SLC6A9: variants seen among roughly 807,000 people sequenced by gnomAD.
SLC6A9 encodes solute carrier family 6 member 9.
A neutral mutation model predicts 70.9 loss-of-function variants in SLC6A9; 31 were observed. The observed-to-expected ratio is 0.44, with a 90% CI of 0.33 to 0.59. The LOEUF (loss-of-function observed/expected upper bound fraction) is 0.59, where lower values mean the gene tolerates loss of function less well. SLC6A9 is among the 20% of genes least tolerant of loss of function. The pLI, the probability that SLC6A9 is intolerant of heterozygous loss-of-function variation, is 0.04. For synonymous variants in SLC6A9, 310 were observed against 341.3 expected (o/e 0.91, Z 1.01); for missense variants, 631 against 845.2 (o/e 0.75, Z 3.14).
intron 5 of SLC6A9, among the ~76,000 whole-genome samples, chr1:44,004,527 G>A (rs951397898): frequency 5.3e-5 from 8 of 151,744 alleles, no homozygotes; most frequent in African/African-American, 1.7e-4. Flanking sequence ...TGTATTTTTT[G>A]TAGAGATATG....
chr1:44,028,344 G>C (rs1285031563), intron 1 of SLC6A9, among the ~76,000 whole-genome samples: 1 of 152,202 alleles, frequency 6.6e-6, no homozygotes, highest in Non-Finnish European at 1.5e-5. Flanking sequence ...TTAAGCAGAA[G>C]ATCAACTTCA....
intron 12 of SLC6A9, 35 bp from the exon 13 acceptor site, chr1:43,998,060 C>T (rs768563828): frequency 2.2e-5 from 34 of 1,572,202 alleles, no homozygotes; most frequent in Non-Finnish European, 2.6e-5. Context: ...GGCGTGAGGC[C>T]GACCCAGAGC....
At chr1:44,009,004 G>C (rs1359941952) in intron 4 of SLC6A9, among the ~76,000 whole-genome samples, 1 of 144,022 alleles carries the variant, frequency 6.9e-6, no homozygotes, top group Non-Finnish European at 1.5e-5. Flanking sequence ...ACAGGCGTGA[G>C]CCACCGCGCC....
At position 44,026,689 on chromosome 1, in the gene SLC6A9, G is replaced by A. The variant is rs185483217; in HGVS notation, c.-85-2327C>T. Among the ~76,000 whole-genome samples, 303 of 151,764 alleles carry A rather than the reference G, an allele frequency of 2.0e-3. 1 individual carries two copies. Among genetic ancestry groups the A allele is most frequent in the African/African-American group, 7.0e-3 (291 of 41,410 alleles). On this transcript the variant is annotated intron_variant, in intron 1 of 13. Transcript: ENST00000372310. ...AAAAAAAGAGCCACAAAAAAGCCAC[G>A]TCACAGGTTGGAAATTATTAAGCCC...
chr1:44,026,954 C>T (rs2086993272), intron 1 of SLC6A9, among the ~76,000 whole-genome samples: 1 of 152,152 alleles, frequency 6.6e-6, no homozygotes, highest in African/African-American at 2.4e-5. Context: ...TCAGGTAGTT[C>T]GTGGACTGGA....
chr1:44,002,818 G>A lies in SLC6A9; in HGVS notation c.723+35C>T, dbSNP rs1321546874. ...CCAGGTAGGGGGCAGGGTCTTTCTG[G>A]GTGGGCACAGACCCTGCTGGGGAGG... On this transcript the variant is annotated intron_variant, in intron 6 of 13. Transcript: ENST00000372310. This position sits in a 1 kb window ranked among gnomAD's most constrained non-coding sequence, Gnocchi z 5.5. The A allele has an allele frequency of 3.1e-6, 5 of 1,612,720 alleles. No individual in the cohort carries two copies. The highest frequency in any genetic ancestry group is 4.2e-6 in the Non-Finnish European group (5 of 1,179,032).
chr1:44,017,415 G>A, intron 2 of SLC6A9: 1 of 1,144,392 alleles, frequency 8.7e-7, no homozygotes. Flanking sequence ...ACACAGACTG[G>A]GGCAGAGCAG....
rs140091591 is a variant in SLC6A9, at chr1:44,002,922, A to G, written c.654T>C (p.Leu218=). The change falls in exon 6 of 14, where the codon CTT becomes CTC. Residue 218 remains leucine (L), a synonymous_variant. Transcript: ENST00000372310. This position sits in a 1 kb window ranked among gnomAD's most constrained non-coding sequence, Gnocchi z 5.5. ...CCAACCAGGAGACACCGAGGCAGCC[A>G]AGGAGGGGCAGCCGCACCTCCCCAA... is the stretch of plus-strand genomic sequence containing the variant. ...GNFGEVRLPL[L]GCLGVSWLVV... 2.9e-4 allele frequency: 468 copies of G among 1,614,042 alleles called. 1 individual carries two copies. In the African/African-American group the frequency reaches 5.6e-3, roughly 19 times the overall value.
At chr1:44,020,241 T>A (rs560710924) in intron 2 of SLC6A9, among the ~76,000 whole-genome samples, 1 of 152,142 alleles carries the variant, frequency 6.6e-6, no homozygotes, top group Non-Finnish European at 1.5e-5. Context: ...AGAACCTGCA[T>A]CAGCAGAGTG....
intron 3 of SLC6A9, chr1:44,010,456 C>CGGGGGGGGG (rs61601279): frequency 7.8e-4 from 43 of 54,806 alleles, no homozygotes; most frequent in Non-Finnish European, 1.3e-3. Context: ...GCCTTGTGGG[C>CGGGGGGGGG]GGGGGGGGGG....
chr1:44,001,398 C>G lies in SLC6A9; in HGVS notation c.1192G>C (p.Gly398Arg). ...FFFMLILLGL[G>R]TQFCLLETLV... ...CGTCCTGCACCTCGTACCTGAGTGC[C>G]CAGCCCCAGCAGGATAAGCATGAAG... Residue 398 changes from glycine to arginine, a missense_variant, in exon 9 of 14, where the codon GGC (glycine) becomes CGC (arginine). Physicochemically the swap from Gly to Arg is moderately radical, Grantham distance 125. Coordinates refer to ENST00000372310, the MANE Select transcript of SLC6A9 (RefSeq NM_001024845.3). The G allele has an allele frequency of 6.2e-7, 1 of 1,612,322 alleles. No homozygotes were observed. Among genetic ancestry groups the G allele is most frequent in the Non-Finnish European group, 8.5e-7 (1 of 1,178,712 alleles).
chr1:44,011,443 A>C, intron 2 of SLC6A9: 8 of 836,332 alleles, frequency 9.6e-6, no homozygotes, highest in African/African-American at 1.7e-5. Context: ...GCTGGGGGGA[A>C]ATGGGGGAGC....
In SLC6A9 at chr1:44,014,207, C is replaced by T. The variant is rs961684799; in HGVS notation, c.31-3325G>A. Among the ~76,000 whole-genome samples, 5 of 152,232 alleles carry T rather than the reference C, an allele frequency of 3.3e-5. 1 individual carries two copies. In the South Asian group the frequency reaches 1.0e-3, roughly 32 times the overall value. On this transcript the variant is annotated intron_variant, in intron 2 of 13. Coordinates refer to ENST00000372310, the MANE Select transcript of SLC6A9 (RefSeq NM_001024845.3). ...GGAATTAAACCATAGCGGCATGGTT[C>T]CCTCTGGCTTGGCCCCCTCTTCTGC... is the stretch of plus-strand genomic sequence containing the variant.
intron 2 of SLC6A9, 109 bp from the exon 3 acceptor site, chr1:44,010,991 G>A (rs148852983): frequency 1.4e-5 from 16 of 1,158,390 alleles, no homozygotes; most frequent in African/African-American, 4.6e-5. Context: ...ACCCCTCCCC[G>A]GGCTTCCCCT....
intron 5 of SLC6A9, among the ~76,000 whole-genome samples, chr1:44,003,406 G>A (rs939308353): frequency 1.1e-4 from 17 of 152,340 alleles, no homozygotes; most frequent in South Asian, 4.1e-4. Flanking sequence ...AGCATTTCAC[G>A]TGCACCAATT....
rs748426005 is a variant in SLC6A9 at position 44,001,385 on chromosome 1, C to T, written c.1200+5G>A. On this transcript the variant is annotated splice_donor_5th_base_variant and intron_variant, in intron 9 of 13. Coordinates refer to ENST00000372310, the MANE Select transcript of SLC6A9 (RefSeq NM_001024845.3). Reference sequence around the variant, plus strand: ...AGCCTCCGGTCCACGTCCTGCACCTCGTACCTGAGTGCCCAGCCCCAGCAG... The same window carrying T: ...AGCCTCCGGTCCACGTCCTGCACCTTGTACCTGAGTGCCCAGCCCCAGCAG... 8 of 1,612,084 alleles carry T rather than the reference C, an allele frequency of 5.0e-6. No individual in the cohort carries two copies. Among genetic ancestry groups the T allele is most frequent in the South Asian group, 3.3e-5 (3 of 90,898 alleles).
intron 5 of SLC6A9, among the ~76,000 whole-genome samples, chr1:44,006,552 A>T (rs1436776710): frequency 1.6e-5 from 2 of 127,830 alleles, no homozygotes; most frequent in Non-Finnish European, 3.1e-5. Context: ...GTGCCACTGC[A>T]CTCCAGCCTG....
rs114050542 is a variant in SLC6A9, at chr1:44,013,342, G to A, written c.31-2460C>T. 2.6e-3 allele frequency among the ~76,000 whole-genome samples: 399 copies of A among 152,322 alleles called. No individual in the cohort carries two copies. Among genetic ancestry groups the A allele is most frequent in the African/African-American group, 8.6e-3 (356 of 41,566 alleles). ...CTCCTTCCCTGGCAGGGGGAGGTAC[G>A]GGGAAGGTGGTGATGCTTCCAGCCA... On this transcript the variant is annotated intron_variant, in intron 2 of 13. Transcript: ENST00000372310. This position sits in a 1 kb window ranked among gnomAD's most constrained non-coding sequence, Gnocchi z 5.3.
At chr1:44,024,434 C>G in intron 1 of SLC6A9, 72 bp from the exon 2 acceptor site, 2 of 870,044 alleles carry the variant, frequency 2.3e-6, no homozygotes, top group African/African-American at 3.3e-5. Flanking sequence ...CAGGTAGTGC[C>G]GAGCCACCCA....
Sources: allele counts gnomAD v4.1 joint callset (sites outside exome capture counted in the v4.1 genomes callset), GRCh38; gene constraint gnomAD v4.1.1; non-coding constraint Gnocchi (gnomAD v3.1); transcripts MANE v1.5; gene names NCBI Gene and HGNC (gene_info 2026-07-23, HGNC 2026-07-21).